Variants in ADGRV1 observed in about 807,000 individuals in gnomAD.
ADGRV1 encodes adhesion G protein-coupled receptor V1.
A neutral mutation model predicts 596.2 loss-of-function variants in ADGRV1; 359 were observed. That is an observed-to-expected ratio of 0.60 (90% confidence interval 0.55 to 0.66). The LOEUF (loss-of-function observed/expected upper bound fraction) is 0.66, where lower values mean the gene tolerates loss of function less well. Ranked by LOEUF, ADGRV1 falls within the 30% of genes least tolerant of loss-of-function variation. The probability of loss-of-function intolerance (pLI) is 0.00; values close to 1 mark genes in which losing one functional copy is unlikely to be tolerated. For synonymous variants in ADGRV1, 2,681 were observed against 2,679.2 expected, an observed-to-expected ratio of 1.00 and a Z score of -0.02; for missense variants, 7,274 against 7,575.6, an observed-to-expected ratio of 0.96 and a Z score of 1.48.
At chr5:91,013,033 G>A (rs1177236615) in intron 85 of ADGRV1, among the ~76,000 whole-genome samples, 3 of 151,960 alleles carry the variant, frequency 2.0e-5, no homozygotes, top group African/African-American at 4.8e-5. Context: ...CTCCATCCTT[G>A]TTCCCACAAG....
At chr5:91,110,870 T>C (rs979666876) in intron 87 of ADGRV1, among the ~76,000 whole-genome samples, 3 of 149,792 alleles carry the variant, frequency 2.0e-5, no homozygotes, top group African/African-American at 7.5e-5. Context: ...CAGAGTACTG[T>C]TTGACTGTTT....
rs1784556991 is a variant in ADGRV1, at chr5:91,032,462, C to CT, written c.18153-39984dup. On this transcript the variant is annotated intron_variant, in intron 85 of 89. Transcript: ENST00000405460. ...ATGGTGAATTTAGAGTCGTCTATCT[C>CT]TGCTACCTTCATTTGTCTTTATTTC... Among the ~76,000 whole-genome samples the CT allele has an allele frequency of 2.0e-5, 3 of 152,184 alleles. No individual in the cohort carries two copies. In the South Asian group the frequency reaches 6.2e-4, roughly 32 times the overall value.
intron 79 of ADGRV1, among the ~76,000 whole-genome samples, chr5:90,849,523 G>T (rs1272843908): frequency 6.6e-6 from 1 of 152,136 alleles, no homozygotes; most frequent in African/African-American, 2.4e-5. Context: ...CCTAATAGCT[G>T]GGACCAGAGG....
intron 20 of ADGRV1, among the ~76,000 whole-genome samples, chr5:90,656,714 C>T (rs10062714): frequency 0.5 from 75,501 of 151,958 alleles, 19,305 homozygotes; most frequent in East Asian, 0.81. Context: ...ACAGCCTCCA[C>T]TGAGGTTATT....
intron 83 of ADGRV1, among the ~76,000 whole-genome samples, chr5:90,922,394 A>G (rs1057284057): frequency 1.3e-5 from 2 of 152,162 alleles, no homozygotes; most frequent in African/African-American, 4.8e-5. Context: ...GGTATATAGA[A>G]TACTTACAAC....
chr5:90,591,032 T>C (rs1368575493), intron 1 of ADGRV1, among the ~76,000 whole-genome samples: 1 of 152,166 alleles, frequency 6.6e-6, no homozygotes, highest in Non-Finnish European at 1.5e-5. Context: ...AGGCTTGTAA[T>C]GCATAATAAT....
At chr5:90,906,679 C>A (rs1014885184) in intron 83 of ADGRV1, among the ~76,000 whole-genome samples, 4 of 151,918 alleles carry the variant, frequency 2.6e-5, no homozygotes, top group Admixed American at 2.6e-4. Flanking sequence ...TTTCGAATAC[C>A]AACTCTTTGT....
At chr5:90,975,106 A>G (rs530893069) in intron 84 of ADGRV1, among the ~76,000 whole-genome samples, 8 of 151,740 alleles carry the variant, frequency 5.3e-5, no homozygotes, top group Non-Finnish European at 1.2e-4. Context: ...AGAAATGCTC[A>G]TAATCACTGG....
intron 83 of ADGRV1, among the ~76,000 whole-genome samples, chr5:90,895,300 A>G (rs1452190129): frequency 2.6e-5 from 4 of 152,192 alleles, no homozygotes; most frequent in African/African-American, 9.7e-5. Context: ...GGGGTACATA[A>G]ACACACTTTA....
intron 82 of ADGRV1, among the ~76,000 whole-genome samples, chr5:90,860,749 G>A (rs1243916655): frequency 2.7e-5 from 4 of 149,120 alleles, no homozygotes; most frequent in Non-Finnish European, 4.4e-5. Context: ...AAGCTAAAAA[G>A]CTAATAGTGG....
chr5:90,565,546 A>G (rs1279385554), intron 1 of ADGRV1, among the ~76,000 whole-genome samples: 1 of 152,236 alleles, frequency 6.6e-6, no homozygotes, highest in Non-Finnish European at 1.5e-5. Context: ...ATAATATTCC[A>G]GAGTATGGAT....
intron 70 of ADGRV1, among the ~76,000 whole-genome samples, chr5:90,795,095 T>G (rs1488813064): frequency 1.3e-5 from 2 of 150,468 alleles, no homozygotes; most frequent in African/African-American, 2.4e-5. Context: ...AGTTTTTTTT[T>G]TTTTTTTTTT....
intron 85 of ADGRV1, among the ~76,000 whole-genome samples, chr5:91,053,130 C>T (rs1330703461): frequency 6.6e-6 from 1 of 152,184 alleles, no homozygotes; most frequent in East Asian, 1.9e-4. Context: ...GGTTTAATCA[C>T]TGCTTCCTTC....
chr5:90,805,632 C>CT (rs1184665312), intron 72 of ADGRV1, among the ~76,000 whole-genome samples, 174 bp downstream of exon 72: 1 of 152,082 alleles, frequency 6.6e-6, no homozygotes, highest in Non-Finnish European at 1.5e-5. Context: ...AGGAGAGAAG[C>CT]TTTTTTCAGT....
Position 90,643,944 on chromosome 5 carries a change from G to T in ADGRV1, c.2695G>T (p.Val899Leu), listed in dbSNP as rs1450708573. 6.2e-7 allele frequency: 1 copy of T among 1,611,778 alleles called. No individual in the cohort carries two copies. The highest frequency in any genetic ancestry group is 8.5e-7 in the Non-Finnish European group (1 of 1,178,320). ...AGAATTTGTTTCTGATGGTCTAATT[G>T]TGATGATAAATGAAAGCAAAGGAGA... ...IIEFVSDGLI[V>L]MINESKGDAI... Residue 899 changes from valine (V) to leucine (L), a missense_variant, in exon 14 of 90, where the codon GTG (valine) becomes TTG (leucine). Physicochemically the swap from Val to Leu is conservative, Grantham distance 32. This residue lies in a region of ADGRV1 where 1,715 missense variants were observed against 1,708.8 expected (regional missense o/e 1.00). Transcript: ENST00000405460.
intron 83 of ADGRV1, among the ~76,000 whole-genome samples, chr5:90,877,586 T>G (rs1329081966): frequency 2.0e-5 from 2 of 99,168 alleles, no homozygotes; most frequent in Non-Finnish European, 3.7e-5. Context: ...CAGTGTGTGG[T>G]TTTTTTTTTT....
At chr5:90,939,668 A>G (rs1160745801) in intron 83 of ADGRV1, among the ~76,000 whole-genome samples, 1 of 152,138 alleles carries the variant, frequency 6.6e-6, no homozygotes, top group Non-Finnish European at 1.5e-5. Flanking sequence ...TTCATAAACA[A>G]CCTTTTAGGG....
In ADGRV1 at chr5:90,642,636, G is replaced by T. The variant is rs1347700185; in HGVS notation, c.2241G>T (p.Arg747Ser). Residue 747 changes from arginine (R) to serine (S), a missense_variant and splice_region_variant, in exon 12 of 90, where the codon AGG becomes AGT. Arg to Ser is a moderately radical substitution (Grantham distance 110). This residue lies in a region of ADGRV1 where 1,715 missense variants were observed against 1,708.8 expected (regional missense o/e 1.00). Transcript: ENST00000405460. ...CCATTTGTCTCTCTGACTTCTCTAG[G>T]GTTAACGTGGAAAACCAAGTGCTGA... ...MNETVTLSLD[R>S]VNVENQVLKS... 6.2e-7 allele frequency: 1 copy of T among 1,612,562 alleles called. No individual in the cohort carries two copies. The highest frequency in any genetic ancestry group is 8.5e-7 in the Non-Finnish European group (1 of 1,179,240).
intron 84 of ADGRV1, among the ~76,000 whole-genome samples, chr5:90,974,479 A>T (rs1253374926): frequency 6.6e-6 from 1 of 152,208 alleles, no homozygotes; most frequent in Non-Finnish European, 1.5e-5. Context: ...CCAAAACAGC[A>T]TGGTACTGGT....
Sources: allele counts gnomAD v4.1 joint callset (sites outside exome capture counted in the v4.1 genomes callset), GRCh38; gene constraint gnomAD v4.1.1; regional missense constraint gnomAD v4.1.1; transcripts MANE v1.5; gene names NCBI Gene and HGNC (gene_info 2026-07-23, HGNC 2026-07-21).